ZBTB38: variants seen among roughly 807,000 people sequenced by gnomAD.
ZBTB38 encodes zinc finger and BTB domain containing 38.
A neutral mutation model predicts 76.8 loss-of-function variants in ZBTB38; 20 were observed. The ratio of observed to expected loss-of-function variants is 0.26; its 90% CI spans 0.18 to 0.38. The LOEUF (loss-of-function observed/expected upper bound fraction) is 0.38, where lower values mean the gene tolerates loss of function less well. Among genes scored for constraint, ZBTB38 ranks in the 10% least tolerant of loss-of-function variants. The pLI, the probability that ZBTB38 is intolerant of heterozygous loss-of-function variation, is 1.00. For synonymous variants in ZBTB38, 504 were observed against 544.2 expected (o/e 0.93, Z 1.03); for missense variants, 1,082 against 1,482.3 (o/e 0.73, Z 4.43).
rs2076555323 is a variant in ZBTB38, at chr3:141,427,115, T to TATG, written c.1-15271_1-15269dup. ...TGGAAAGCTCGGTAACAGTGCCAGG[T>TATG]ATGATAGGCTCTATAAAGCTTAGTT... is the stretch of plus-strand genomic sequence containing the variant. On this transcript the variant is annotated intron_variant, in intron 5 of 5. Transcript: ENST00000321464. Among the ~76,000 whole-genome samples, 3 of 152,130 alleles carry TATG rather than the reference T, an allele frequency of 2.0e-5. No individual in the cohort carries two copies. The South Asian group carries it at 6.2e-4, about 32-fold the overall frequency.
intron 3 of ZBTB38, chr3:141,386,385 A>G (rs1162330155): frequency 1.3e-5 from 2 of 152,268 alleles, no homozygotes; most frequent in Non-Finnish European, 2.9e-5. Context: ...CTGCAGATAC[A>G]TTTAGCAGGA....
rs1173953579 is a variant in ZBTB38 at position 141,445,484 on chromosome 3, C to T, written c.3096C>T (p.His1032=). ...PSTLKMHMRC[H]TGEKPYQCKT... is the part of the protein sequence containing the mutation. Reference sequence around the variant, plus strand: ...CACTCAAAATGCACATGAGATGTCACACCGGGGAGAAGCCATACCAGTGCA... The same window carrying T: ...CACTCAAAATGCACATGAGATGTCATACCGGGGAGAAGCCATACCAGTGCA... The change falls in exon 6 of 6, where the codon CAC becomes CAT. Residue 1032 remains histidine (H), a synonymous_variant. Transcript: ENST00000321464. The surrounding 1 kb of genome is among the most constrained non-coding windows in gnomAD (Gnocchi z 6.5). 1.9e-6 allele frequency: 3 copies of T among 1,614,166 alleles called. No homozygotes were observed. In the African/African-American group the frequency reaches 4.0e-5, roughly 22 times the overall value.
intron 1 of ZBTB38, among the ~76,000 whole-genome samples, chr3:141,361,590 T>C (rs1943828239): frequency 6.6e-6 from 1 of 151,862 alleles, no homozygotes. Flanking sequence ...AGTGAAAGAG[T>C]CTTGAAAAAT....
chr3:141,421,275 T>C (rs1008088915), intron 5 of ZBTB38, among the ~76,000 whole-genome samples: 6 of 147,604 alleles, frequency 4.1e-5, no homozygotes, highest in Non-Finnish European at 7.5e-5. Flanking sequence ...TAGAAACTTC[T>C]CTCTTTTTTT....
chr3:141,383,141 T>G (rs1283824383), intron 3 of ZBTB38, among the ~76,000 whole-genome samples: 1 of 152,122 alleles, frequency 6.6e-6, no homozygotes, highest in African/African-American at 2.4e-5. Context: ...ACTTTTTAGC[T>G]CTGATCAATG....
intron 1 of ZBTB38, among the ~76,000 whole-genome samples, chr3:141,362,344 G>T (rs185001915): frequency 6.6e-6 from 1 of 152,200 alleles, no homozygotes; most frequent in East Asian, 1.9e-4. Context: ...GTGAGGATGG[G>T]CCATTGGGTA....
intron 5 of ZBTB38, among the ~76,000 whole-genome samples, chr3:141,406,824 G>A (rs934710918): frequency 2.6e-5 from 4 of 152,330 alleles, no homozygotes; most frequent in South Asian, 4.1e-4. Context: ...ATGTCAGACC[G>A]TGGAAGGTGA....
chr3:141,339,441 G>A (rs1457844604), intron 1 of ZBTB38, among the ~76,000 whole-genome samples: 1 of 152,170 alleles, frequency 6.6e-6, no homozygotes, highest in Non-Finnish European at 1.5e-5. Flanking sequence ...AGGTGGGGAA[G>A]AGTAGATTTA....
rs961113222 is a variant in ZBTB38 at position 141,447,612 on chromosome 3, A to G, written c.*1636A>G. ...TGCAGTTTCAGCGTGACCTGCAGTC[A>G]TTCATGTTCATTGGATTTGACAGAT... On this transcript the variant is annotated 3_prime_UTR_variant, in exon 6 of 6. Transcript: ENST00000321464. The G allele has an allele frequency of 1.3e-5, 2 of 152,480 alleles. No homozygotes were observed. Among genetic ancestry groups the G allele is most frequent in the Non-Finnish European group, 2.9e-5 (2 of 68,046 alleles). 9.4% of individuals were successfully genotyped at this position (152,480 alleles called of 1,614,324 possible). A position where few individuals can be genotyped will look rare whatever the true frequency, so the allele number is the denominator to read the frequency against.
intron 1 of ZBTB38, among the ~76,000 whole-genome samples, chr3:141,348,700 A>G (rs769117193): frequency 6.6e-6 from 1 of 152,236 alleles, no homozygotes. Flanking sequence ...TCAAACATGG[A>G]ACCTGGCACT....
intron 3 of ZBTB38, among the ~76,000 whole-genome samples, chr3:141,384,054 C>T (rs2149210103): frequency 6.6e-6 from 1 of 152,342 alleles, no homozygotes; most frequent in Non-Finnish European, 1.5e-5. Flanking sequence ...TAAACAAGCT[C>T]ATTGCTTTGA....
At chr3:141,385,641 G>A (rs540361604) in intron 3 of ZBTB38, among the ~76,000 whole-genome samples, 23 of 127,292 alleles carry the variant, frequency 1.8e-4, no homozygotes, top group African/African-American at 6.8e-4. Context: ...ATTGCAATTC[G>A]AGCTTTGAGT....
chr3:141,343,546 C>A (rs564004830), intron 1 of ZBTB38, among the ~76,000 whole-genome samples: 3 of 152,272 alleles, frequency 2.0e-5, no homozygotes, highest in African/African-American at 7.2e-5. Context: ...GCTATCACAG[C>A]ATATATAGTC....
chr3:141,394,015 T>G (rs1435407928), intron 4 of ZBTB38, among the ~76,000 whole-genome samples: 1 of 105,938 alleles, frequency 9.4e-6, no homozygotes, highest in Non-Finnish European at 1.8e-5. Flanking sequence ...TTTCTTTTCT[T>G]TCTTTTTTTT....
chr3:141,325,364 C>T (rs1942642130), intron 1 of ZBTB38, among the ~76,000 whole-genome samples: 1 of 152,112 alleles, frequency 6.6e-6, no homozygotes, highest in Admixed American at 6.5e-5. Flanking sequence ...TGAGATCATA[C>T]ATTGACACAC....
At chr3:141,374,868 G>T (rs565561448) in intron 2 of ZBTB38, among the ~76,000 whole-genome samples, 1 of 152,172 alleles carries the variant, frequency 6.6e-6, no homozygotes, top group South Asian at 2.1e-4. Context: ...TGGTGAATTG[G>T]CCCCTAGAAA....
chr3:141,396,212 A>G (rs932134367), intron 4 of ZBTB38: 1 of 152,226 alleles, frequency 6.6e-6, no homozygotes, highest in African/African-American at 2.4e-5. Context: ...TGCTTCATCA[A>G]CTAAATTTAT....
rs754606184 is a variant in ZBTB38 at position 141,444,923 on chromosome 3, C to T, written c.2535C>T (p.Asn845=). The T allele has an allele frequency of 7.7e-5, 124 of 1,614,116 alleles. 1 individual carries two copies. Among genetic ancestry groups the T allele is most frequent in the South Asian group, 4.7e-4 (43 of 91,090 alleles). ...GCCAAATAACAGTGAAAATTGGAAA[C>T]GAAGCCATTGTGAAAAGGCACATTC... The part of the protein sequence containing the change: ...PLCQITVKIG[N]EAIVKRHILG... The change falls in exon 6 of 6, where the codon AAC becomes AAT. Residue 845 remains asparagine, a synonymous_variant. Coordinates refer to ENST00000321464, the MANE Select transcript of ZBTB38 (RefSeq NM_001376113.1). The surrounding 1 kb of genome is among the most constrained non-coding windows in gnomAD (Gnocchi z 5.1).
chr3:141,368,624 C>T lies in ZBTB38; in HGVS notation c.-490C>T, dbSNP rs527866613. 6.6e-6 allele frequency: 1 copy of T among 152,234 alleles called. No homozygotes were observed. Among genetic ancestry groups the T allele is most frequent in the East Asian group, 1.9e-4 (1 of 5,186 alleles). 9.4% of individuals were successfully genotyped at this position (152,234 alleles called of 1,614,324 possible). ...TTCTTTTCTTCTTTTTTTTAAGCCTCACGAAAGATTTTACTTGTAGATCAA... is the reference window on the plus strand; with the variant it reads ...TTCTTTTCTTCTTTTTTTTAAGCCTTACGAAAGATTTTACTTGTAGATCAA... On this transcript the variant is annotated 5_prime_UTR_variant, in exon 1 of 6. Transcript: ENST00000321464.
Sources: allele counts gnomAD v4.1 joint callset (sites outside exome capture counted in the v4.1 genomes callset), GRCh38; gene constraint gnomAD v4.1.1; non-coding constraint Gnocchi (gnomAD v3.1); transcripts MANE v1.5; gene names NCBI Gene and HGNC (gene_info 2026-07-23, HGNC 2026-07-21).